The following RBKS variants were observed in gnomAD, a reference collection of about 807,000 sequenced individuals.
The protein encoded by RBKS is ribokinase.
Under a neutral mutation model 33.9 loss-of-function variants are expected in RBKS, and 33 were observed. The ratio of observed to expected loss-of-function variants is 0.97; its 90% CI spans 0.74 to 1.30. The LOEUF is 1.30. Ranked by LOEUF, RBKS falls within the 50% of genes most tolerant of loss-of-function variation. The pLI is 0.00. For missense variants in RBKS, 361 were observed against 392.6 expected (o/e 0.92, Z 0.68); for synonymous variants, 125 against 143.0 (o/e 0.87, Z 0.90).
chr2:27,812,731 C>CA (rs1678009580), intron 7 of RBKS, among the ~76,000 whole-genome samples: 1 of 152,126 alleles, frequency 6.6e-6, no homozygotes, highest in South Asian at 2.1e-4. Flanking sequence ...CGGGGAGGGA[C>CA]AGCATTAGGA....
chr2:27,783,376 C>G (rs2148178597), intron 7 of RBKS, among the ~76,000 whole-genome samples: 1 of 152,270 alleles, frequency 6.6e-6, no homozygotes, highest in Non-Finnish European at 1.5e-5. Flanking sequence ...ATTAAAAATG[C>G]ACGCAGAAAG....
chr2:27,874,355 C>T (rs4666030), intron 1 of RBKS, among the ~76,000 whole-genome samples: 43,796 of 152,108 alleles, frequency 0.29, 7,193 homozygotes, highest in East Asian at 0.63. Context: ...AGACCCTGTC[C>T]TCACTTAGCT....
rs1223440256 is a variant in RBKS at position 27,868,929 on chromosome 2, T to C, written c.90-10358A>G. Among the ~76,000 whole-genome samples, 8 of 152,316 alleles carry C rather than the reference T, an allele frequency of 5.3e-5. No individual in the cohort carries two copies. In the East Asian group the frequency reaches 1.3e-3, roughly 26 times the overall value. On this transcript the variant is annotated intron_variant, in intron 1 of 7. Transcript: ENST00000302188. ...TGGCAGATATTTCTAGAGGACTTATTATATGATAAATACTGCACTAAACAC... is the reference window on the plus strand; with the variant it reads ...TGGCAGATATTTCTAGAGGACTTATCATATGATAAATACTGCACTAAACAC...
intron 7 of RBKS, among the ~76,000 whole-genome samples, chr2:27,826,628 G>A (rs747397028): frequency 6.6e-6 from 1 of 151,958 alleles, no homozygotes; most frequent in African/African-American, 2.4e-5. Flanking sequence ...GGATGTTCTC[G>A]ATCTCTTGAC....
At chr2:27,873,839 A>C (rs77719121) in intron 1 of RBKS, among the ~76,000 whole-genome samples, 2 of 152,112 alleles carry the variant, frequency 1.3e-5, no homozygotes, top group Non-Finnish European at 2.9e-5. Flanking sequence ...AACAAAAAAA[A>C]AACAAAACAC....
intron 7 of RBKS, among the ~76,000 whole-genome samples, chr2:27,821,432 A>G (rs1678204447): frequency 6.6e-6 from 1 of 152,122 alleles, no homozygotes; most frequent in Non-Finnish European, 1.5e-5. Flanking sequence ...ATAATATTGC[A>G]AATATTCAAA....
At chr2:27,887,536 T>A (rs1482220124) in intron 1 of RBKS, among the ~76,000 whole-genome samples, 1 of 152,142 alleles carries the variant, frequency 6.6e-6, no homozygotes, top group Non-Finnish European at 1.5e-5. Context: ...TAAATGAAAA[T>A]CCTATACGCA....
At chr2:27,806,372 C>T (rs1414915613) in intron 7 of RBKS, among the ~76,000 whole-genome samples, 2 of 152,202 alleles carry the variant, frequency 1.3e-5, no homozygotes, top group Non-Finnish European at 2.9e-5. Context: ...TTGCCCCACT[C>T]ATTTCCCTGA....
intron 7 of RBKS, among the ~76,000 whole-genome samples, chr2:27,786,360 C>T (rs1355794415): frequency 1.3e-5 from 2 of 152,196 alleles, no homozygotes; most frequent in East Asian, 1.9e-4. Context: ...CCCTACCTTG[C>T]ACCCTGACCA....
chr2:27,872,505 G>A (rs1361442813), intron 1 of RBKS, among the ~76,000 whole-genome samples: 1 of 151,806 alleles, frequency 6.6e-6, no homozygotes, highest in Non-Finnish European at 1.5e-5. Flanking sequence ...ATCAATATCA[G>A]CCAAAAATTA....
At chr2:27,827,782 CAG>C (rs1460612103) in intron 6 of RBKS, 27 bp from the exon 7 acceptor site, 1 of 1,525,992 alleles carries the variant, frequency 6.6e-7, no homozygotes, top group Non-Finnish European at 8.8e-7. Context: ...TCAACAGAAA[CAG>C]TGGTGAAAAT....
chr2:27,786,778 CAAAAAA>C (rs1158881753), intron 7 of RBKS, among the ~76,000 whole-genome samples: 1 of 68,894 alleles, frequency 1.5e-5, no homozygotes. Context: ...GAGACTGTCT[CAAAAAA>C]AAAAAAAAAA....
intron 1 of RBKS, among the ~76,000 whole-genome samples, chr2:27,864,748 G>A (rs1664055342): frequency 6.6e-6 from 1 of 152,026 alleles, no homozygotes; most frequent in South Asian, 2.1e-4. Context: ...TCCCCCACAA[G>A]GTTACATGAT....
chr2:27,873,618 G>GA (rs1232284040), intron 1 of RBKS, among the ~76,000 whole-genome samples: 2 of 152,020 alleles, frequency 1.3e-5, no homozygotes, highest in Admixed American at 6.6e-5. Context: ...CTCTAACTCA[G>GA]AAAAAACCAA....
At chr2:27,847,451 A>G (rs1408041191) in intron 3 of RBKS, among the ~76,000 whole-genome samples, 1 of 152,224 alleles carries the variant, frequency 6.6e-6, no homozygotes, top group Non-Finnish European at 1.5e-5. Context: ...TTGAGATAAA[A>G]AGTAAAGGTC....
chr2:27,883,254 C>G (rs1165963267), intron 1 of RBKS, among the ~76,000 whole-genome samples: 6 of 149,414 alleles, frequency 4.0e-5, no homozygotes, highest in African/African-American at 1.5e-4. Flanking sequence ...GGCTGGAGTG[C>G]AGTGGCACGA....
At chr2:27,826,695 C>T (rs559314986) in intron 7 of RBKS, among the ~76,000 whole-genome samples, 19 of 152,278 alleles carry the variant, frequency 1.2e-4, no homozygotes, top group Admixed American at 7.8e-4. Flanking sequence ...TGTGAAGTGG[C>T]GCCTGGCAAG....
At chr2:27,851,800 A>G (rs1175500473) in intron 2 of RBKS, among the ~76,000 whole-genome samples, 1 of 152,062 alleles carries the variant, frequency 6.6e-6, no homozygotes, top group African/African-American at 2.4e-5. Context: ...CAGCCTCCCA[A>G]AGTGCTGGGA....
intron 7 of RBKS, among the ~76,000 whole-genome samples, chr2:27,800,214 G>A (rs561008133): frequency 6.6e-6 from 1 of 152,058 alleles, no homozygotes; most frequent in South Asian, 2.1e-4. Flanking sequence ...CACCACTCCT[G>A]GCCAGCTCTG....
Sources: allele counts gnomAD v4.1 joint callset (sites outside exome capture counted in the v4.1 genomes callset), GRCh38; gene constraint gnomAD v4.1.1; transcripts MANE v1.5; gene names NCBI Gene and HGNC (gene_info 2026-07-23, HGNC 2026-07-21).